The following SSR2 variants were observed in gnomAD, a reference collection of about 807,000 sequenced individuals.
SSR2 encodes the protein translocon-associated protein subunit beta.
Under a neutral mutation model 22.6 loss-of-function variants are expected in SSR2, and 16 were observed. The observed-to-expected ratio is 0.71, with a 90% CI of 0.48 to 1.08. SSR2 has a LOEUF of 1.08. Ranked by LOEUF, SSR2 falls within the 50% of genes least tolerant of loss-of-function variation. The probability of loss-of-function intolerance (pLI) is 0.00; values close to 1 mark genes in which losing one functional copy is unlikely to be tolerated. For synonymous variants in SSR2, 83 were observed against 91.2 expected (o/e 0.91, Z 0.51); for missense variants, 171 against 221.6 (o/e 0.77, Z 1.45).
chr1:156,016,873 T>G (rs1450731404), intron 3 of SSR2, among the ~76,000 whole-genome samples: 1 of 152,168 alleles, frequency 6.6e-6, no homozygotes, highest in African/African-American at 2.4e-5. Flanking sequence ...GCTCCAGACA[T>G]GTAAGACGTG....
rs1222654664 is a variant in SSR2 at position 156,011,892 on chromosome 1, AAAG to A, written c.364-8_364-6del. Reference sequence around the variant, plus strand: ...AGGTGCACTGGTAGAGCCAATCTGAAAAGAAGAAAAGAACGACATTAAGGGAAG... The same window carrying A: ...AGGTGCACTGGTAGAGCCAATCTGAAAAGAAAAGAACGACATTAAGGGAAG... On this transcript the variant is annotated splice_region_variant and splice_polypyrimidine_tract_variant and intron_variant, in intron 4 of 5. Coordinates refer to ENST00000295702, the MANE Select transcript of SSR2 (RefSeq NM_003145.4). 3.1e-6 allele frequency: 5 copies of A among 1,611,870 alleles called. No homozygotes were observed. Among genetic ancestry groups the A allele is most frequent in the African/African-American group, 1.3e-5 (1 of 74,846 alleles).
chr1:156,016,962 C>G (rs561551699), intron 3 of SSR2, among the ~76,000 whole-genome samples: 28 of 152,286 alleles, frequency 1.8e-4, no homozygotes, highest in African/African-American at 6.0e-4. Flanking sequence ...CCTGCAGAAC[C>G]GTGAACAAAT....
intron 1 of SSR2, chr1:156,020,406 A>C (rs990468414): frequency 2.3e-6 from 1 of 441,680 alleles, no homozygotes; most frequent in Non-Finnish European, 4.2e-6. Context: ...TTCCTGTCAG[A>C]AGCCCCGGGA....
intron 3 of SSR2, among the ~76,000 whole-genome samples, chr1:156,017,433 T>C (rs1430615959): frequency 6.6e-6 from 1 of 152,176 alleles, no homozygotes; most frequent in African/African-American, 2.4e-5. Context: ...CACTGCAACC[T>C]GCACCTCCCG....
chr1:156,020,424 C>A (rs374101844), intron 1 of SSR2: 1 of 407,298 alleles, frequency 2.5e-6, no homozygotes, highest in Non-Finnish European at 4.6e-6. Context: ...GGATGCCCAC[C>A]GGCTGGTGGA....
chr1:156,019,512 G>A (rs1370925024), intron 2 of SSR2, among the ~76,000 whole-genome samples: 3 of 152,020 alleles, frequency 2.0e-5, no homozygotes, highest in Non-Finnish European at 4.4e-5. Flanking sequence ...AGCCTCCCGA[G>A]TAGCTGGGAC....
chr1:156,016,140 G>A (rs1287237501), intron 3 of SSR2, among the ~76,000 whole-genome samples: 3 of 151,588 alleles, frequency 2.0e-5, no homozygotes, highest in Admixed American at 6.6e-5. Context: ...CGACAAGAGC[G>A]AAACTCCATC....
At chr1:156,011,992 G>C (rs924916425) in intron 4 of SSR2, 105 bp from the exon 5 acceptor site, 9 of 774,756 alleles carry the variant, frequency 1.2e-5, no homozygotes, top group African/African-American at 6.9e-5. Context: ...CTATGCATTA[G>C]AGTCTTAGTT....
At chr1:156,020,451 C>T (rs886218109) in intron 1 of SSR2, 16 of 368,012 alleles carry the variant, frequency 4.3e-5, no homozygotes, top group Admixed American at 4.3e-4. Flanking sequence ...TGAGGGGACA[C>T]CATGTGGCCA....
intron 3 of SSR2, among the ~76,000 whole-genome samples, chr1:156,016,589 CAAAAA>C (rs11356147): frequency 6.7e-6 from 1 of 149,634 alleles, no homozygotes; most frequent in Non-Finnish European, 1.5e-5. Flanking sequence ...ATTGAAAATA[CAAAAA>C]AAAAAGACAA....
At chr1:156,020,795 C>T in intron 1 of SSR2, 93 bp downstream of exon 1, 1 of 440,780 alleles carries the variant, frequency 2.3e-6, no homozygotes, top group South Asian at 1.6e-5. Flanking sequence ...CTGCCCTTCC[C>T]GCCCTCCCCT....
intron 3 of SSR2, among the ~76,000 whole-genome samples, chr1:156,017,791 CCT>C (rs1683081633): frequency 9.4e-6 from 1 of 106,514 alleles, no homozygotes; most frequent in Non-Finnish European, 1.7e-5. Flanking sequence ...CACTCTGTTG[CCT>C]AGGCTACAGT....
Position 156,009,387 on chromosome 1 carries a change from T to C in SSR2, c.*153A>G, listed in dbSNP as rs2102719958. 3 of 669,162 alleles carry C rather than the reference T, an allele frequency of 4.5e-6. No homozygotes were observed. The highest frequency in any genetic ancestry group is 8.0e-6 in the Non-Finnish European group (3 of 377,140). The allele number at this position is 669,162 out of a possible 1,614,324, so 41.5% of individuals were successfully genotyped here. Reference sequence around the variant, plus strand: ...GACTCCTAGGGCTGGTCCTTCACTATGGCTGAGAGCAGGGCAGGATCCAGG... The same window carrying C: ...GACTCCTAGGGCTGGTCCTTCACTACGGCTGAGAGCAGGGCAGGATCCAGG... On this transcript the variant is annotated 3_prime_UTR_variant, in exon 6 of 6. Coordinates refer to ENST00000295702, the MANE Select transcript of SSR2 (RefSeq NM_003145.4).
At position 156,011,791 on chromosome 1, in the gene SSR2, AG is replaced by A; in HGVS notation, c.441+18del. On this transcript the variant is annotated intron_variant, in intron 5 of 5. Transcript: ENST00000295702. ...TCTCATACCAAGGAACTGATGAGAGAGAACACTAGAAAGCTTACAAAATGAG... is the reference window on the plus strand; with the variant it reads ...TCTCATACCAAGGAACTGATGAGAGAAACACTAGAAAGCTTACAAAATGAG... 1 of 1,606,480 alleles carries A rather than the reference AG, an allele frequency of 6.2e-7. No individual in the cohort carries two copies. The highest frequency in any genetic ancestry group is 8.5e-7 in the Non-Finnish European group (1 of 1,173,272).
intron 1 of SSR2, 105 bp from the exon 2 acceptor site, chr1:156,020,272 A>C: frequency 8.1e-7 from 1 of 1,238,740 alleles, no homozygotes; most frequent in Non-Finnish European, 1.1e-6. Flanking sequence ...CTACCAGAAC[A>C]GCAGCCCCTT....
chr1:156,012,031 A>T (rs774570466), intron 4 of SSR2, 144 bp from the exon 5 acceptor site: 2 of 602,332 alleles, frequency 3.3e-6, no homozygotes, highest in Non-Finnish European at 5.9e-6. Flanking sequence ...CTTCAAGAAG[A>T]TGAGGGAAAG....
chr1:156,011,519 ATT>A (rs11288216), intron 5 of SSR2: 3,190 of 181,630 alleles, frequency 0.018, no homozygotes, highest in East Asian at 0.038. Flanking sequence ...ATCTAATCAG[ATT>A]TTTTTTTTTT....
chr1:156,012,367 T>C (rs760794973), intron 4 of SSR2: 34 of 325,320 alleles, frequency 1.0e-4, no homozygotes, highest in African/African-American at 5.4e-4. Flanking sequence ...AAATATATAA[T>C]GAAGTATAAA....
intron 4 of SSR2, 61 bp downstream of exon 4, chr1:156,014,900 C>T: frequency 7.3e-7 from 1 of 1,376,384 alleles, no homozygotes; most frequent in Non-Finnish European, 1.0e-6. Context: ...ACCCCCACCA[C>T]AAGAGATTTT....
Sources: allele counts gnomAD v4.1 joint callset (sites outside exome capture counted in the v4.1 genomes callset), GRCh38; gene constraint gnomAD v4.1.1; transcripts MANE v1.5; gene names NCBI Gene and HGNC (gene_info 2026-07-23, HGNC 2026-07-21).